The following PDE3A variants were observed in gnomAD, a reference collection of about 807,000 sequenced individuals.
The protein encoded by PDE3A is phosphodiesterase 3A.
A neutral mutation model predicts 98.3 loss-of-function variants in PDE3A; 43 were observed. That is an observed-to-expected ratio of 0.44 (90% CI 0.34 to 0.56). PDE3A has a LOEUF of 0.56. PDE3A is among the 20% of genes least tolerant of loss of function. The probability of loss-of-function intolerance (pLI) is 0.01; values close to 1 mark genes in which losing one functional copy is unlikely to be tolerated. For missense variants in PDE3A, 1,427 were observed against 1,440.7 expected, an observed-to-expected ratio of 0.99 and a Z score of 0.15; for synonymous variants, 663 against 567.9, an observed-to-expected ratio of 1.17 and a Z score of -2.38.
At chr12:20,390,346 T>TGGG (rs1943889631) in intron 1 of PDE3A, among the ~76,000 whole-genome samples, 1 of 151,014 alleles carries the variant, frequency 6.6e-6, no homozygotes, top group Non-Finnish European at 1.5e-5. Context: ...GTGGATTAGG[T>TGGG]GGGGACCCAA....
chr12:20,643,870 C>T lies in PDE3A; in HGVS notation c.2252-2620C>T, dbSNP rs559045613. Reference sequence around the variant, plus strand: ...ACATTACCTATAAAGTTTTCTGGGCCTGGGCCTTGGGGTGGGGGACAGGGT... The same window carrying T: ...ACATTACCTATAAAGTTTTCTGGGCTTGGGCCTTGGGGTGGGGGACAGGGT... On this transcript the variant is annotated intron_variant, in intron 10 of 15. Coordinates refer to ENST00000359062, the MANE Select transcript of PDE3A (RefSeq NM_000921.5). Among the ~76,000 whole-genome samples the T allele has an allele frequency of 3.3e-5, 5 of 151,760 alleles. No individual in the cohort carries two copies. The East Asian group carries it at 9.7e-4, about 30-fold the overall frequency.
At chr12:20,397,056 T>A (rs1248767224) in intron 1 of PDE3A, among the ~76,000 whole-genome samples, 1 of 152,070 alleles carries the variant, frequency 6.6e-6, no homozygotes, top group South Asian at 2.1e-4. Flanking sequence ...TTTTGGGGAT[T>A]GACTGAGATT....
chr12:20,505,352 T>G (rs1283906077), intron 1 of PDE3A, among the ~76,000 whole-genome samples: 1 of 152,132 alleles, frequency 6.6e-6, no homozygotes. Flanking sequence ...GTACCTCATT[T>G]GCTCATCTAT....
intron 5 of PDE3A, among the ~76,000 whole-genome samples, chr12:20,627,120 C>T (rs1337682453): frequency 1.4e-5 from 2 of 138,530 alleles, no homozygotes; most frequent in Non-Finnish European, 1.5e-5. Context: ...ACAATGTTCT[C>T]ATGGGCTTTG....
At chr12:20,501,398 A>G (rs1271746744) in intron 1 of PDE3A, among the ~76,000 whole-genome samples, 2 of 152,192 alleles carry the variant, frequency 1.3e-5, no homozygotes, top group Non-Finnish European at 2.9e-5. Context: ...AAGTGAACAC[A>G]TTATATGTAA....
intron 5 of PDE3A, among the ~76,000 whole-genome samples, chr12:20,626,393 A>AG (rs1286712001): frequency 6.6e-6 from 1 of 151,412 alleles, no homozygotes; most frequent in East Asian, 1.9e-4. Context: ...GAAAAAAAAA[A>AG]AGAGAACTTA....
intron 1 of PDE3A, among the ~76,000 whole-genome samples, chr12:20,450,943 G>C (rs1945053177): frequency 6.6e-6 from 1 of 152,192 alleles, no homozygotes; most frequent in East Asian, 1.9e-4. Context: ...TTCAAGGCAA[G>C]AAACAGTTTC....
At chr12:20,556,897 A>G in intron 2 of PDE3A, 187 bp downstream of exon 2, 4 of 639,402 alleles carry the variant, frequency 6.3e-6, no homozygotes, top group Non-Finnish European at 1.1e-5. Flanking sequence ...ATGCCAGGAT[A>G]TTCCTTCTAA....
chr12:20,434,110 A>G (rs556829166), intron 1 of PDE3A, among the ~76,000 whole-genome samples: 69 of 152,268 alleles, frequency 4.5e-4, no homozygotes, highest in African/African-American at 1.7e-3. Context: ...CTTTTAAAAT[A>G]CCATTAACAT....
intron 1 of PDE3A, among the ~76,000 whole-genome samples, chr12:20,415,766 T>C (rs2120730078): frequency 6.6e-6 from 1 of 152,272 alleles, no homozygotes; most frequent in East Asian, 1.9e-4. Flanking sequence ...CCTCATCCAA[T>C]GATAACATGC....
intron 2 of PDE3A, among the ~76,000 whole-genome samples, chr12:20,588,631 C>T (rs529388595): frequency 0.01 from 11 of 1,060 alleles, no homozygotes; most frequent in African/African-American, 1.3e-3. Flanking sequence ...CCTGAGCATA[C>T]TACAAACAAA....
rs573053186 is a variant in PDE3A at position 20,500,262 on chromosome 12, G to A, written c.961-56398G>A. On this transcript the variant is annotated intron_variant, in intron 1 of 15. Coordinates refer to ENST00000359062, the MANE Select transcript of PDE3A (RefSeq NM_000921.5). ...TTCTTGAAAAGAGAACTCAGATACC[G>A]TATTAGATATGATAAAGTAGAATAC... is the stretch of plus-strand genomic sequence containing the variant. 9.9e-5 allele frequency among the ~76,000 whole-genome samples: 15 copies of A among 152,208 alleles called. No individual in the cohort carries two copies. The South Asian group carries it at 1.7e-3, about 17-fold the overall frequency.
chr12:20,461,281 G>T lies in PDE3A; in HGVS notation c.960+91037G>T, dbSNP rs1010365879. Among the ~76,000 whole-genome samples, 6 of 147,566 alleles carry T rather than the reference G, an allele frequency of 4.1e-5. No homozygotes were observed. In the East Asian group the frequency reaches 1.2e-3, roughly 29 times the overall value. ...AGAGGATCTTGTGAGAATTGAAAGA[G>T]ATAGCATTGTCTTTCCTTGACTTTA... On this transcript the variant is annotated intron_variant, in intron 1 of 15. Coordinates refer to ENST00000359062, the MANE Select transcript of PDE3A (RefSeq NM_000921.5).
chr12:20,495,874 A>G (rs1307288808), intron 1 of PDE3A, among the ~76,000 whole-genome samples: 2 of 152,208 alleles, frequency 1.3e-5, no homozygotes, highest in African/African-American at 4.8e-5. Flanking sequence ...TTTCTTTGAT[A>G]AGAAACTAAA....
chr12:20,580,233 TGAG>T (rs1177498422), intron 2 of PDE3A, among the ~76,000 whole-genome samples: 2 of 152,068 alleles, frequency 1.3e-5, no homozygotes, highest in Non-Finnish European at 2.9e-5. Context: ...TAGAGAATTG[TGAG>T]GAGGGAAGAA....
chr12:20,676,536 G>A (rs1335878161), intron 15 of PDE3A, among the ~76,000 whole-genome samples: 1 of 115,554 alleles, frequency 8.7e-6, no homozygotes, highest in Non-Finnish European at 1.7e-5. Context: ...GTCTCGCTCT[G>A]TCCCCCATGC....
chr12:20,668,279 C>T (rs1458145349), intron 15 of PDE3A, among the ~76,000 whole-genome samples: 3 of 152,218 alleles, frequency 2.0e-5, no homozygotes, highest in Non-Finnish European at 2.9e-5. Context: ...GGGAGGGGCG[C>T]CCGCCATTGC....
At position 20,664,742 on chromosome 12, in the gene PDE3A, G is replaced by T. The variant is rs1244207549; in HGVS notation, c.3184+10537G>T. On this transcript the variant is annotated intron_variant, in intron 15 of 15. Transcript: ENST00000359062. ...CTTTTGCCTTCTGCCATGTTTGTGA[G>T]ACCTCCCCAGCCATGTGGAACTCTT... Among the ~76,000 whole-genome samples, 4 of 152,154 alleles carry T rather than the reference G, an allele frequency of 2.6e-5. No homozygotes were observed. In the East Asian group the frequency reaches 7.7e-4, roughly 29 times the overall value.
At chr12:20,631,153 C>T (rs1944368300) in intron 6 of PDE3A, among the ~76,000 whole-genome samples, 1 of 152,018 alleles carries the variant, frequency 6.6e-6, no homozygotes, top group Non-Finnish European at 1.5e-5. Context: ...TATTTTCATT[C>T]GTTTGCCCAG....
Sources: gnomAD v4.1 joint callset for allele counts (sites outside exome capture counted in the v4.1 genomes callset) on GRCh38, gnomAD v4.1.1 for gene constraint, MANE v1.5 for transcripts, NCBI Gene and HGNC (gene_info 2026-07-23, HGNC 2026-07-21) for gene names.